The following CACNA2D3 variants were observed in gnomAD, a reference collection of about 807,000 sequenced individuals.
CACNA2D3 encodes voltage-dependent calcium channel subunit alpha-2/delta-3.
A neutral mutation model predicts 160.6 loss-of-function variants in CACNA2D3; 60 were observed. The observed-to-expected ratio is 0.37, with a 90% CI of 0.30 to 0.46. The LOEUF (loss-of-function observed/expected upper bound fraction) is 0.46, where lower values mean the gene tolerates loss of function less well. Among genes scored for constraint, CACNA2D3 ranks in the 20% least tolerant of loss-of-function variants. The pLI, the probability that CACNA2D3 is intolerant of heterozygous loss-of-function variation, is 1.00. For synonymous variants in CACNA2D3, 558 were observed against 492.9 expected (o/e 1.13, Z -1.75); for missense variants, 1,205 against 1,365.0 (o/e 0.88, Z 1.85).
At chr3:55,067,905 G>A (rs1478510203) in intron 35 of CACNA2D3, among the ~76,000 whole-genome samples, 2 of 152,212 alleles carry the variant, frequency 1.3e-5, no homozygotes, top group African/African-American at 4.8e-5. Flanking sequence ...TCACTTGGCT[G>A]ATTGAATTCA....
At chr3:55,065,741 GGGAAGGAAA>G (rs935745962) in intron 35 of CACNA2D3, among the ~76,000 whole-genome samples, 1 of 151,620 alleles carries the variant, frequency 6.6e-6, no homozygotes, top group Non-Finnish European at 1.5e-5. Context: ...AGGAAGGAAA[GGGAAGGAAA>G]GGAAGGAAAC....
intron 21 of CACNA2D3, among the ~76,000 whole-genome samples, chr3:54,882,533 T>C (rs1699825116): frequency 6.6e-6 from 1 of 152,224 alleles, no homozygotes; most frequent in African/African-American, 2.4e-5. Context: ...CAGAGCTAAC[T>C]GTAACCACTG....
At chr3:54,949,319 A>G (rs1429196137) in intron 27 of CACNA2D3, among the ~76,000 whole-genome samples, 1 of 152,204 alleles carries the variant, frequency 6.6e-6, no homozygotes, top group East Asian at 1.9e-4. Context: ...GAAATGGTCT[A>G]GGTGTGGATA....
At chr3:54,630,897 T>C (rs1210851512) in intron 10 of CACNA2D3, among the ~76,000 whole-genome samples, 1 of 152,044 alleles carries the variant, frequency 6.6e-6, no homozygotes, top group Non-Finnish European at 1.5e-5. Flanking sequence ...CGAATAAATG[T>C]TTTTTAAAAA....
At chr3:54,155,580 G>A (rs1700231373) in intron 2 of CACNA2D3, among the ~76,000 whole-genome samples, 1 of 152,160 alleles carries the variant, frequency 6.6e-6, no homozygotes, top group Admixed American at 6.5e-5. Context: ...ATACAACATC[G>A]AGATTTTGTT....
intron 4 of CACNA2D3, among the ~76,000 whole-genome samples, chr3:54,454,727 A>G (rs1700367971): frequency 6.6e-6 from 1 of 152,116 alleles, no homozygotes; most frequent in Non-Finnish European, 1.5e-5. Context: ...GTTTGTATCC[A>G]TTAACCAACC....
At chr3:54,979,560 T>G (rs1022139362) in intron 29 of CACNA2D3, among the ~76,000 whole-genome samples, 1 of 152,174 alleles carries the variant, frequency 6.6e-6, no homozygotes, top group Non-Finnish European at 1.5e-5. Context: ...AAAGAAAAAT[T>G]TTCTTGGCCC....
At chr3:54,922,581 G>A (rs1288314920) in intron 27 of CACNA2D3, among the ~76,000 whole-genome samples, 3 of 152,026 alleles carry the variant, frequency 2.0e-5, no homozygotes, top group Admixed American at 6.6e-5. Context: ...ATTCAATATC[G>A]TACGTTTTAA....
At chr3:54,428,034 G>T (rs1699934142) in intron 4 of CACNA2D3, among the ~76,000 whole-genome samples, 1 of 152,168 alleles carries the variant, frequency 6.6e-6, no homozygotes, top group Admixed American at 6.5e-5. Context: ...ATGTCAGGCA[G>T]AAAAAATGTC....
chr3:54,183,543 T>C (rs574901390), intron 2 of CACNA2D3, among the ~76,000 whole-genome samples: 125 of 151,940 alleles, frequency 8.2e-4, no homozygotes, highest in African/African-American at 2.8e-3. Context: ...AAAAAAAAAA[T>C]CTGTGTATTG....
chr3:54,746,762 G>A (rs1289665910), intron 11 of CACNA2D3, among the ~76,000 whole-genome samples: 1 of 151,994 alleles, frequency 6.6e-6, no homozygotes, highest in Non-Finnish European at 1.5e-5. Context: ...TAAGTGCTTG[G>A]TCTCCAAACC....
chr3:54,509,493 G>A (rs1701425201), intron 5 of CACNA2D3, among the ~76,000 whole-genome samples: 1 of 152,132 alleles, frequency 6.6e-6, no homozygotes, highest in African/African-American at 2.4e-5. Context: ...ATGTGATGAT[G>A]ATATGGCCAT....
intron 11 of CACNA2D3, among the ~76,000 whole-genome samples, chr3:54,649,875 C>T (rs1053969252): frequency 6.6e-6 from 1 of 152,204 alleles, no homozygotes; most frequent in African/African-American, 2.4e-5. Context: ...ATTAACAACC[C>T]TTATTTTGCC....
At chr3:54,448,361 C>T (rs1700254967) in intron 4 of CACNA2D3, among the ~76,000 whole-genome samples, 1 of 152,160 alleles carries the variant, frequency 6.6e-6, no homozygotes, top group Non-Finnish European at 1.5e-5. Flanking sequence ...GCAGGAGGAG[C>T]CATCTCCTCT....
At chr3:54,994,275 A>T (rs1189729672) in intron 31 of CACNA2D3, among the ~76,000 whole-genome samples, 1 of 151,878 alleles carries the variant, frequency 6.6e-6, no homozygotes, top group Non-Finnish European at 1.5e-5. Context: ...GAGTGTAGAG[A>T]GTGTTAAAGG....
intron 13 of CACNA2D3, among the ~76,000 whole-genome samples, chr3:54,810,952 T>A (rs1042234125): frequency 6.6e-6 from 1 of 152,334 alleles, no homozygotes; most frequent in East Asian, 1.9e-4. Flanking sequence ...CCTTTGTGCC[T>A]CACCTATTGT....
intron 21 of CACNA2D3, among the ~76,000 whole-genome samples, chr3:54,881,926 T>C (rs1228147681): frequency 1.3e-5 from 2 of 152,154 alleles, no homozygotes; most frequent in East Asian, 1.9e-4. Flanking sequence ...CTGCCAGTGG[T>C]CCCTGCCCGT....
rs550051358 is a variant in CACNA2D3, at chr3:54,296,273, A to G, written c.205-24169A>G. Among the ~76,000 whole-genome samples, 4 of 152,318 alleles carry G rather than the reference A, an allele frequency of 2.6e-5. No homozygotes were observed. The South Asian group carries it at 8.3e-4, about 32-fold the overall frequency. ...TGGGAGAACCAACCAGACCTTTTCC[A>G]GAGGATGTCTTTTGCTTTCTTCCTC... is the stretch of plus-strand genomic sequence containing the variant. On this transcript the variant is annotated intron_variant, in intron 2 of 37. Coordinates refer to ENST00000474759, the MANE Select transcript of CACNA2D3 (RefSeq NM_018398.3).
At chr3:54,306,117 C>T (rs1703593841) in intron 2 of CACNA2D3, among the ~76,000 whole-genome samples, 1 of 152,076 alleles carries the variant, frequency 6.6e-6, no homozygotes, top group Non-Finnish European at 1.5e-5. Context: ...AAAAGTCATT[C>T]TGAGGAGGGG....
Sources: allele counts gnomAD v4.1 joint callset (sites outside exome capture counted in the v4.1 genomes callset), GRCh38; gene constraint gnomAD v4.1.1; transcripts MANE v1.5; gene names NCBI Gene and HGNC (gene_info 2026-07-23, HGNC 2026-07-21).